Variants in CCNY observed in about 807,000 individuals in gnomAD.
The protein encoded by CCNY is cyclin Y.
A neutral mutation model predicts 42.8 loss-of-function variants in CCNY; 19 were observed. That is an observed-to-expected ratio of 0.44 (90% CI 0.31 to 0.65). CCNY has a LOEUF of 0.65. CCNY is among the 30% of genes least tolerant of loss of function. The pLI, the probability that CCNY is intolerant of heterozygous loss-of-function variation, is 0.07. For synonymous variants in CCNY, 165 were observed against 162.7 expected, an observed-to-expected ratio of 1.01 and a Z score of -0.11; for missense variants, 370 against 437.3, an observed-to-expected ratio of 0.85 and a Z score of 1.37.
chr10:35,372,292 T>C (rs1355290680), intron 1 of CCNY, among the ~76,000 whole-genome samples: 1 of 152,134 alleles, frequency 6.6e-6, no homozygotes, highest in African/African-American at 2.4e-5. Context: ...TTTCTGTCGA[T>C]TGGGAGAGGA....
At chr10:35,489,538 G>A (rs1693547460) in intron 2 of CCNY, among the ~76,000 whole-genome samples, 1 of 152,138 alleles carries the variant, frequency 6.6e-6, no homozygotes, top group South Asian at 2.1e-4. Context: ...CTGACCTCAT[G>A]AGCCACTGCA....
At chr10:35,345,514 A>G (rs943856626) in intron 1 of CCNY, among the ~76,000 whole-genome samples, 11 of 151,878 alleles carry the variant, frequency 7.2e-5, no homozygotes, top group Non-Finnish European at 1.3e-4. Flanking sequence ...AGGTAGTACT[A>G]TGAGGATCCA....
chr10:35,411,822 G>A (rs3003974), intron 1 of CCNY, among the ~76,000 whole-genome samples: 56,713 of 152,062 alleles, frequency 0.37, 10,766 homozygotes, highest in African/African-American at 0.42. Context: ...GAAGATTTTG[G>A]CAAAATTTGA....
chr10:35,546,830 A>G (rs1008067572), intron 7 of CCNY, among the ~76,000 whole-genome samples: 10 of 152,228 alleles, frequency 6.6e-5, no homozygotes, highest in Admixed American at 6.5e-4. Flanking sequence ...AACTAAGGTA[A>G]GTTAAAAGTC....
chr10:35,266,811 C>T (rs567830257), intron 3 of CCNY, among the ~76,000 whole-genome samples: 24 of 152,080 alleles, frequency 1.6e-4, no homozygotes, highest in Admixed American at 2.6e-4. Context: ...TCGCCGGGTG[C>T]GGTGGCTCAC....
chr10:35,479,565 A>G (rs553442273), intron 1 of CCNY, among the ~76,000 whole-genome samples: 5 of 133,578 alleles, frequency 3.7e-5, no homozygotes, highest in Admixed American at 8.8e-5. Context: ...ATGAGAACAC[A>G]TGGACACAGG....
At chr10:35,479,453 G>A (rs1335307305) in intron 1 of CCNY, among the ~76,000 whole-genome samples, 1 of 142,618 alleles carries the variant, frequency 7.0e-6, no homozygotes, top group African/African-American at 2.6e-5. Context: ...CATGTCCTTT[G>A]TAGGGACATG....
At chr10:35,268,387 A>G (rs1277284682) in intron 3 of CCNY, among the ~76,000 whole-genome samples, 3 of 152,186 alleles carry the variant, frequency 2.0e-5, no homozygotes, top group Non-Finnish European at 4.4e-5. Context: ...TAAGGCTTGA[A>G]TACAATCTTT....
At chr10:35,263,951 C>T (rs1229308803) in intron 3 of CCNY, among the ~76,000 whole-genome samples, 5 of 152,174 alleles carry the variant, frequency 3.3e-5, no homozygotes, top group Non-Finnish European at 4.4e-5. Context: ...TCTGATGCTA[C>T]GTTAGTTTGC....
chr10:35,342,778 A>G (rs1252122471), intron 1 of CCNY, among the ~76,000 whole-genome samples: 2 of 152,154 alleles, frequency 1.3e-5, no homozygotes, highest in African/African-American at 4.8e-5. Context: ...CATTTGCGGA[A>G]GGTTCCTCAG....
At chr10:35,494,961 A>G (rs369409994) in intron 2 of CCNY, among the ~76,000 whole-genome samples, 36 of 152,360 alleles carry the variant, frequency 2.4e-4, no homozygotes, top group African/African-American at 8.2e-4. Flanking sequence ...AAATGCTCCA[A>G]GATGGATCTG....
At chr10:35,494,856 A>ACG in intron 2 of CCNY, among the ~76,000 whole-genome samples, 1 of 152,290 alleles carries the variant, frequency 6.6e-6, no homozygotes, top group Non-Finnish European at 1.5e-5. Context: ...CACAAAAGAG[A>ACG]CTCAAAGGAT....
chr10:35,312,388 A>C (rs1456235202), intron 3 of CCNY, among the ~76,000 whole-genome samples: 5 of 150,482 alleles, frequency 3.3e-5, no homozygotes, highest in Non-Finnish European at 5.9e-5. Flanking sequence ...GTCACAAAAA[A>C]AAAAAAAAAA....
chr10:35,523,383 A>G (rs540838572), intron 4 of CCNY, among the ~76,000 whole-genome samples: 1 of 152,162 alleles, frequency 6.6e-6, no homozygotes, highest in Non-Finnish European at 1.5e-5. Context: ...TTGACAAAAG[A>G]GACTGTGTGT....
At chr10:35,381,538 C>G (rs1237936164) in intron 1 of CCNY, among the ~76,000 whole-genome samples, 1 of 150,958 alleles carries the variant, frequency 6.6e-6, no homozygotes, top group East Asian at 1.9e-4. Flanking sequence ...TGCACTCCAG[C>G]CTGGGTGACA....
chr10:35,353,921 C>T (rs539381211), intron 1 of CCNY, among the ~76,000 whole-genome samples: 26 of 152,294 alleles, frequency 1.7e-4, no homozygotes, highest in Non-Finnish European at 1.2e-4. Context: ...AGCTGAGAGC[C>T]TCTGGCTCAG....
At chr10:35,557,520 G>A (rs1031957090) in intron 8 of CCNY, among the ~76,000 whole-genome samples, 1 of 152,200 alleles carries the variant, frequency 6.6e-6, no homozygotes, top group African/African-American at 2.4e-5. Context: ...ACTTTGGGAG[G>A]CCGAGGTGGG....
intron 1 of CCNY, among the ~76,000 whole-genome samples, chr10:35,341,336 T>A (rs1836177150): frequency 6.6e-6 from 1 of 152,200 alleles, no homozygotes; most frequent in Non-Finnish European, 1.5e-5. Flanking sequence ...AAGCCTGACC[T>A]TTTCAGGGAG....
At chr10:35,468,724 G>T (rs894301874) in intron 1 of CCNY, among the ~76,000 whole-genome samples, 2 of 152,076 alleles carry the variant, frequency 1.3e-5, no homozygotes, top group Non-Finnish European at 2.9e-5. Flanking sequence ...GAGACAGCCT[G>T]CTTTAGAGTG....
Sources: gnomAD v4.1 joint callset for allele counts (sites outside exome capture counted in the v4.1 genomes callset) on GRCh38, gnomAD v4.1.1 for gene constraint, MANE v1.5 for transcripts, NCBI Gene and HGNC (gene_info 2026-07-23, HGNC 2026-07-21) for gene names.